Variants in TVP23C observed in about 807,000 individuals in gnomAD.
TVP23C encodes the protein Golgi apparatus membrane protein TVP23 homolog C.
A neutral mutation model predicts 28.7 loss-of-function variants in TVP23C; 19 were observed. That is an observed-to-expected ratio of 0.66 (90% CI 0.46 to 0.97). TVP23C has a LOEUF of 0.97. TVP23C is among the 50% of genes least tolerant of loss of function. TVP23C has a pLI of 0.00. For missense variants in TVP23C, 186 were observed against 241.3 expected (o/e 0.77, Z 1.52); for synonymous variants, 68 against 81.7 (o/e 0.83, Z 0.90).
At chr17:15,518,553 A>G (rs572298698) in intron 5 of TVP23C, among the ~76,000 whole-genome samples, 1 of 152,332 alleles carries the variant, frequency 6.6e-6, no homozygotes, top group Admixed American at 6.5e-5. Flanking sequence ...ACAGGTTGTC[A>G]CTGTGCCTTA....
At chr17:15,531,170 T>C (rs989524952) in intron 5 of TVP23C, 55 of 152,374 alleles carry the variant, frequency 3.6e-4, no homozygotes, top group Admixed American at 3.6e-3. Flanking sequence ...GTGGTAGGCA[T>C]TTAATCTTAC....
intron 1 of TVP23C, among the ~76,000 whole-genome samples, chr17:15,556,413 GT>G (rs1984134591): frequency 6.8e-6 from 1 of 146,380 alleles, no homozygotes; most frequent in South Asian, 2.1e-4. Context: ...TCAGGCTGGA[GT>G]GCAGTGGCGT....
In TVP23C at chr17:15,502,461, C is replaced by A. The variant is rs115884539; in HGVS notation, c.*403G>T. 7.4e-3 allele frequency: 1,299 copies of A among 175,394 alleles called. 22 individuals are homozygous for A. The highest frequency in any genetic ancestry group is 0.029 in the African/African-American group (1,228 of 42,342). 10.9% of individuals were successfully genotyped at this position (175,394 alleles called of 1,614,324 possible). A position where few individuals can be genotyped will look rare whatever the true frequency, so the allele number is the denominator to read the frequency against. On this transcript the variant is annotated 3_prime_UTR_variant, in exon 6 of 6. Coordinates refer to the TVP23C transcript ENST00000225576. ...AGGTCTCCACCCCTTCCCTCTTCGT[C>A]CTCGCCTAGGAGGGACCGTGGTGCC...
chr17:15,562,270 T>G (rs1984432760), intron 1 of TVP23C: 1 of 152,374 alleles, frequency 6.6e-6, no homozygotes, highest in African/African-American at 2.4e-5. Context: ...CCAGGCTGGA[T>G]GGAGTGCAGT....
At chr17:15,556,633 C>T (rs190471296) in intron 1 of TVP23C, among the ~76,000 whole-genome samples, 25 of 152,302 alleles carry the variant, frequency 1.6e-4, no homozygotes, top group Admixed American at 3.9e-4. Flanking sequence ...GGATTACAGG[C>T]GTGAGCCACC....
chr17:15,561,110 T>C (rs1404451160), intron 1 of TVP23C, among the ~76,000 whole-genome samples: 2 of 152,078 alleles, frequency 1.3e-5, no homozygotes, highest in African/African-American at 2.4e-5. Context: ...AGTGTGAAAA[T>C]TGTCTTCCGA....
intron 5 of TVP23C, among the ~76,000 whole-genome samples, chr17:15,519,932 G>A (rs34453320): frequency 0.12 from 18,935 of 152,180 alleles, 1,283 homozygotes; most frequent in Middle Eastern, 0.18. Flanking sequence ...CTGTCATTTG[G>A]TTAACAGCTG....
chr17:15,536,958 AC>A (rs1983181881), downstream of TVP23C: 1 of 355,516 alleles, frequency 2.8e-6, no homozygotes, highest in Non-Finnish European at 3.9e-6. Context: ...CATGAGGGTT[AC>A]ATGAGATTAC....
At chr17:15,517,817 G>T (rs1982296454) in intron 5 of TVP23C, among the ~76,000 whole-genome samples, 1 of 152,210 alleles carries the variant, frequency 6.6e-6, no homozygotes, top group Admixed American at 6.5e-5. Flanking sequence ...CAGAAGGGCT[G>T]AGTCTCATGC....
chr17:15,522,101 G>T (rs905466965), intron 5 of TVP23C, among the ~76,000 whole-genome samples: 1 of 152,146 alleles, frequency 6.6e-6, no homozygotes, highest in Non-Finnish European at 1.5e-5. Flanking sequence ...CAGGCAGGAA[G>T]GAAAGAAAGA....
At chr17:15,503,447 C>G in intron 5 of TVP23C, 1 of 510,300 alleles carries the variant, frequency 2.0e-6, no homozygotes, top group Admixed American at 3.8e-5. Flanking sequence ...TGCTTTAGAA[C>G]GCCTCAGTGC....
intron 5 of TVP23C, among the ~76,000 whole-genome samples, chr17:15,509,493 G>C (rs568962793): frequency 1.3e-5 from 2 of 152,356 alleles, no homozygotes; most frequent in African/African-American, 4.8e-5. Context: ...CTGCACCTTT[G>C]CGAGTTTCTT....
chr17:15,514,980 A>G (rs1444343984), intron 5 of TVP23C, among the ~76,000 whole-genome samples: 1 of 152,088 alleles, frequency 6.6e-6, no homozygotes, highest in East Asian at 1.9e-4. Context: ...ATCTTTCCCG[A>G]GCTTCAGTGT....
At chr17:15,553,868 T>C (rs1363590055) in intron 2 of TVP23C, 39 bp from the exon 3 acceptor site, 1 of 1,612,758 alleles carries the variant, frequency 6.2e-7, no homozygotes, top group Non-Finnish European at 8.5e-7. Flanking sequence ...GCAATTACAT[T>C]TTACTACAGG....
intron 5 of TVP23C, among the ~76,000 whole-genome samples, chr17:15,541,139 C>G (rs1268024456): frequency 6.6e-6 from 1 of 152,216 alleles, no homozygotes; most frequent in Non-Finnish European, 1.5e-5. Context: ...CTGTTTGTTC[C>G]TTTGAGTTTC....
chr17:15,552,837 C>T (rs1427134309), intron 3 of TVP23C, among the ~76,000 whole-genome samples: 1 of 151,524 alleles, frequency 6.6e-6, no homozygotes, highest in South Asian at 2.1e-4. Context: ...TATTTTCGAA[C>T]ACACACAGTT....
At chr17:15,505,849 G>A (rs1981708041) in intron 5 of TVP23C, among the ~76,000 whole-genome samples, 1 of 152,252 alleles carries the variant, frequency 6.6e-6, no homozygotes, top group South Asian at 2.1e-4. Context: ...GCTGCGTACG[G>A]TGTACTGGGT....
At chr17:15,514,936 A>G (rs1020001808) in intron 5 of TVP23C, among the ~76,000 whole-genome samples, 27 of 152,320 alleles carry the variant, frequency 1.8e-4, no homozygotes, top group Non-Finnish European at 2.5e-4. Flanking sequence ...TGTGCCACCC[A>G]GATCCCCGCG....
chr17:15,534,669 A>C (rs1983085341), downstream of TVP23C, among the ~76,000 whole-genome samples: 1 of 151,784 alleles, frequency 6.6e-6, no homozygotes, highest in African/African-American at 2.4e-5. Context: ...ATGTAGAATT[A>C]GAATGTGATT....
Sources: allele counts gnomAD v4.1 joint callset (sites outside exome capture counted in the v4.1 genomes callset), GRCh38; gene constraint gnomAD v4.1.1; transcripts MANE v1.5; gene names NCBI Gene and HGNC (gene_info 2026-07-23, HGNC 2026-07-21).